Variants in PTPRR observed in about 807,000 individuals in gnomAD.
PTPRR encodes the protein protein tyrosine phosphatase receptor type R, also known as receptor-type tyrosine-protein phosphatase R.
In PTPRR, 38 loss-of-function variants were observed where a neutral mutation model predicts 77.2. That is an observed-to-expected ratio of 0.49 (90% CI 0.38 to 0.65). The LOEUF (loss-of-function observed/expected upper bound fraction) is 0.65. PTPRR is among the 30% of genes least tolerant of loss of function. The pLI, the probability that PTPRR is intolerant of heterozygous loss-of-function variation, is 0.00. For synonymous variants in PTPRR, 299 were observed against 283.1 expected, an observed-to-expected ratio of 1.06 and a Z score of -0.57; for missense variants, 744 against 799.2, an observed-to-expected ratio of 0.93 and a Z score of 0.83.
intron 2 of PTPRR, among the ~76,000 whole-genome samples, chr12:70,883,018 A>C (rs1893175248): frequency 6.6e-6 from 1 of 152,166 alleles, no homozygotes; most frequent in Admixed American, 6.5e-5. Flanking sequence ...CATGCCTGTA[A>C]TCCCAGCACT....
intron 6 of PTPRR, among the ~76,000 whole-genome samples, chr12:70,735,182 T>G (rs1889819453): frequency 6.6e-6 from 1 of 152,164 alleles, no homozygotes; most frequent in East Asian, 1.9e-4. Flanking sequence ...GCTCTGGACA[T>G]CCCCATACAA....
At chr12:70,781,352 GA>G (rs1891199414) in intron 2 of PTPRR, among the ~76,000 whole-genome samples, 1 of 152,176 alleles carries the variant, frequency 6.6e-6, no homozygotes, top group Admixed American at 6.5e-5. Context: ...GGTTCCAAAA[GA>G]GGTTTCTCAA....
chr12:70,858,448 C>T (rs906165928), intron 2 of PTPRR, among the ~76,000 whole-genome samples: 1 of 152,084 alleles, frequency 6.6e-6, no homozygotes, highest in African/African-American at 2.4e-5. Context: ...TCACTTAGCA[C>T]ATCCCATTGT....
At chr12:70,887,312 C>T (rs951522373) in intron 2 of PTPRR, among the ~76,000 whole-genome samples, 4 of 151,906 alleles carry the variant, frequency 2.6e-5, no homozygotes, top group Non-Finnish European at 5.9e-5. Context: ...TTTAGCTGGG[C>T]GTGGTGGTCC....
intron 2 of PTPRR, among the ~76,000 whole-genome samples, chr12:70,815,031 A>G (rs1322809245): frequency 6.6e-6 from 1 of 151,918 alleles, no homozygotes; most frequent in Non-Finnish European, 1.5e-5. Context: ...GATATAGATG[A>G]TAGAATTTGT....
chr12:70,710,027 C>T (rs1888766771), intron 6 of PTPRR, among the ~76,000 whole-genome samples: 2 of 151,592 alleles, frequency 1.3e-5, no homozygotes, highest in South Asian at 4.1e-4. Context: ...TTGAGAAAGA[C>T]TATTCACAGA....
chr12:70,809,209 C>T (rs1171937630), intron 2 of PTPRR, among the ~76,000 whole-genome samples: 1 of 152,158 alleles, frequency 6.6e-6, no homozygotes, highest in African/African-American at 2.4e-5. Flanking sequence ...TCTCTTTCCC[C>T]TTCCTTCCTT....
intron 6 of PTPRR, among the ~76,000 whole-genome samples, chr12:70,720,538 G>T (rs1056002165): frequency 6.8e-6 from 1 of 147,420 alleles, no homozygotes; most frequent in Non-Finnish European, 1.5e-5. Context: ...TTGAGACAGG[G>T]TCTTGCTCTG....
chr12:70,768,302 C>T (rs548558426), intron 2 of PTPRR, among the ~76,000 whole-genome samples: 51 of 152,046 alleles, frequency 3.4e-4, no homozygotes, highest in Admixed American at 8.5e-4. Context: ...ATCAAATAGA[C>T]GCAATAAAAA....
intron 3 of PTPRR, among the ~76,000 whole-genome samples, chr12:70,763,444 G>A (rs774624735): frequency 5.9e-5 from 9 of 152,036 alleles, no homozygotes; most frequent in Non-Finnish European, 8.8e-5. Context: ...CTCATTCAGG[G>A]GAATGTTGTA....
At chr12:70,813,179 G>A (rs1166608032) in intron 2 of PTPRR, among the ~76,000 whole-genome samples, 1 of 152,128 alleles carries the variant, frequency 6.6e-6, no homozygotes, top group Non-Finnish European at 1.5e-5. Flanking sequence ...TCATCATCTT[G>A]TACATGGACA....
chr12:70,729,999 C>CA (rs1889595854), intron 6 of PTPRR, among the ~76,000 whole-genome samples: 1 of 151,470 alleles, frequency 6.6e-6, no homozygotes, highest in Non-Finnish European at 1.5e-5. Flanking sequence ...TAGTGGATGA[C>CA]AAAAAAACAA....
chr12:70,706,965 T>C (rs1054274210), intron 6 of PTPRR, among the ~76,000 whole-genome samples: 6 of 151,192 alleles, frequency 4.0e-5, no homozygotes, highest in African/African-American at 7.3e-5. Context: ...TTATCATAAT[T>C]AATAATAACA....
intron 5 of PTPRR, among the ~76,000 whole-genome samples, chr12:70,752,728 C>G (rs1475326993): frequency 6.6e-6 from 1 of 152,154 alleles, no homozygotes; most frequent in Non-Finnish European, 1.5e-5. Context: ...TCCCCCTTCT[C>G]TTATCCTTTC....
At chr12:70,708,000 G>A (rs1888680220) in intron 6 of PTPRR, among the ~76,000 whole-genome samples, 1 of 152,044 alleles carries the variant, frequency 6.6e-6, no homozygotes, top group Non-Finnish European at 1.5e-5. Context: ...GTCCCAGGCA[G>A]ACAATCTACC....
At chr12:70,920,244 T>A in intron 1 of PTPRR, 89 bp downstream of exon 1, 1 of 1,417,614 alleles carries the variant, frequency 7.1e-7, no homozygotes. Context: ...AAGGCTTTCT[T>A]CGCAAGGCAA....
At chr12:70,759,321 T>G (rs1890634541) in intron 4 of PTPRR, among the ~76,000 whole-genome samples, 1 of 152,026 alleles carries the variant, frequency 6.6e-6, no homozygotes, top group African/African-American at 2.4e-5. Context: ...TCAAATGACA[T>G]GTCACAAGCT....
intron 10 of PTPRR, among the ~76,000 whole-genome samples, chr12:70,679,191 G>A (rs1309152988): frequency 6.6e-6 from 1 of 152,014 alleles, no homozygotes; most frequent in Non-Finnish European, 1.5e-5. Context: ...TGGTTGTTTA[G>A]GAGCATATTG....
chr12:70,643,466 T>C (rs909179659), intron 13 of PTPRR, among the ~76,000 whole-genome samples: 1 of 152,054 alleles, frequency 6.6e-6, no homozygotes, highest in Non-Finnish European at 1.5e-5. Context: ...TGAGCCACCA[T>C]GCCTGGCAAA....
Sources: allele counts gnomAD v4.1 joint callset (sites outside exome capture counted in the v4.1 genomes callset), GRCh38; gene constraint gnomAD v4.1.1; transcripts MANE v1.5; gene names NCBI Gene and HGNC (gene_info 2026-07-23, HGNC 2026-07-21).